The following MED15 variants were observed in gnomAD, a reference collection of about 807,000 sequenced individuals.
MED15 encodes mediator of RNA polymerase II transcription subunit 15.
In MED15, 41 loss-of-function variants were observed where a neutral mutation model predicts 118.7. The observed-to-expected ratio is 0.35, with a 90% CI of 0.27 to 0.45. The LOEUF (loss-of-function observed/expected upper bound fraction) is 0.45. MED15 is among the 20% of genes least tolerant of loss of function. MED15 has a pLI of 1.00. For synonymous variants in MED15, 436 were observed against 413.9 expected (o/e 1.05, Z -0.65); for missense variants, 740 against 1,025.5 (o/e 0.72, Z 3.80).
At chr22:20,579,063 A>G (rs1242390950) in intron 9 of MED15, among the ~76,000 whole-genome samples, 2 of 152,208 alleles carry the variant, frequency 1.3e-5, no homozygotes, top group African/African-American at 2.4e-5. Context: ...CCATGCCACA[A>G]TCCTCCCTTG....
chr22:20,536,852 C>T (rs147127012), intron 1 of MED15, among the ~76,000 whole-genome samples: 121 of 152,344 alleles, frequency 7.9e-4, no homozygotes, highest in African/African-American at 2.2e-3. Context: ...TCCCCCGCCC[C>T]GTCCCTTCAT....
At chr22:20,567,970 G>A (rs928854464) in intron 7 of MED15, among the ~76,000 whole-genome samples, 1 of 152,140 alleles carries the variant, frequency 6.6e-6, no homozygotes, top group African/African-American at 2.4e-5. Flanking sequence ...CTCCCAAGTA[G>A]CTGGGGCTGC....
At chr22:20,525,652 T>A (rs1047732612) in intron 1 of MED15, among the ~76,000 whole-genome samples, 3 of 148,444 alleles carry the variant, frequency 2.0e-5, no homozygotes, top group African/African-American at 7.5e-5. Flanking sequence ...TTCTCCTGCC[T>A]CAGCCTCCTG....
chr22:20,566,523 GCAA>G lies in MED15; in HGVS notation c.750_752del (p.Gln262del), dbSNP rs767272307. 1.6e-5 allele frequency: 26 copies of G among 1,598,340 alleles called. No individual in the cohort carries two copies. Among genetic ancestry groups the G allele is most frequent in the South Asian group, 2.2e-5 (2 of 90,466 alleles). On this transcript the variant is annotated inframe_deletion, in exon 7 of 18. Transcript: ENST00000263205. ...TAGCACAGCTGCAGCTCCAACAACA[GCAA>G]CAGCAGCAGCAGCAGCAGCAGCAGC...
At chr22:20,550,357 T>G in intron 2 of MED15, among the ~76,000 whole-genome samples, 1 of 152,206 alleles carries the variant, frequency 6.6e-6, no homozygotes, top group Non-Finnish European at 1.5e-5. Flanking sequence ...CCCTGGGCCT[T>G]TCTTCTTCAT....
At chr22:20,561,750 C>T (rs1001696186) in intron 5 of MED15, among the ~76,000 whole-genome samples, 18 of 152,250 alleles carry the variant, frequency 1.2e-4, no homozygotes, top group African/African-American at 4.3e-4. Flanking sequence ...TGCAGTGGCT[C>T]ACGTCTGTAA....
intron 2 of MED15, chr22:20,551,234 T>C (rs1019078356): frequency 1.1e-5 from 8 of 709,852 alleles, no homozygotes; most frequent in Admixed American, 2.0e-5. Context: ...CTTGTTTCTT[T>C]GTGCCTGTTA....
At chr22:20,535,907 T>G (rs1490184972) in intron 1 of MED15, among the ~76,000 whole-genome samples, 4 of 143,548 alleles carry the variant, frequency 2.8e-5, no homozygotes, top group Non-Finnish European at 6.0e-5. Context: ...AGATGGAGTT[T>G]CGCTCTGTCA....
Position 20,554,957 on chromosome 22 carries a change from G to A in MED15, c.260G>A (p.Ser87Asn), listed in dbSNP as rs1283137539. The change falls in exon 5 of 18, where the codon AGC becomes AAC. Residue 87 changes from serine to asparagine, a missense_variant. Coordinates refer to ENST00000263205, the MANE Select transcript of MED15 (RefSeq NM_001003891.3). ...SVSDPMNALQ[S>N]LTGGPAAGAA... is the part of the protein sequence containing the mutation. ...ACAGATCCTATGAATGCACTCCAGA[G>A]CCTGACTGGCGGACCTGCTGCGGGA... 4 of 1,608,326 alleles carry A rather than the reference G, an allele frequency of 2.5e-6. No individual in the cohort carries two copies. The African/African-American group carries it at 4.0e-5, about 16-fold the overall frequency.
intron 6 of MED15, among the ~76,000 whole-genome samples, chr22:20,565,090 G>A (rs177423): frequency 0.2 from 29,969 of 152,090 alleles, 2,998 homozygotes; most frequent in South Asian, 0.25. Flanking sequence ...GCGCCGCTGC[G>A]CTCCAGCCTG....
intron 1 of MED15, chr22:20,508,471 C>T: frequency 1.6e-6 from 2 of 1,239,530 alleles, no homozygotes; most frequent in Non-Finnish European, 1.1e-6. Flanking sequence ...TTTATTTCAC[C>T]TGGGTGCAGG....
chr22:20,508,022 G>A, intron 1 of MED15: 1 of 1,406,632 alleles, frequency 7.1e-7, no homozygotes, highest in Non-Finnish European at 9.2e-7. Flanking sequence ...TGTGTGCTTT[G>A]GGTGCAGACT....
chr22:20,569,340 C>T (rs2056559145), intron 8 of MED15, among the ~76,000 whole-genome samples: 1 of 152,182 alleles, frequency 6.6e-6, no homozygotes, highest in Non-Finnish European at 1.5e-5. Context: ...CCTCTTTTCA[C>T]ATGATGGTGG....
chr22:20,526,159 C>T (rs192619181), intron 1 of MED15, among the ~76,000 whole-genome samples: 128 of 152,186 alleles, frequency 8.4e-4, no homozygotes, highest in Admixed American at 2.4e-3. Flanking sequence ...AATTCCTGGG[C>T]TCAAGCATGA....
chr22:20,534,447 C>A (rs192113436), intron 1 of MED15, among the ~76,000 whole-genome samples: 1 of 152,038 alleles, frequency 6.6e-6, no homozygotes. Context: ...ATACTTGAGC[C>A]CAGGAGTTTG....
rs773788272 is a variant in MED15 at position 20,568,602 on chromosome 22, G to A, written c.1123G>A (p.Ala375Thr). The A allele has an allele frequency of 5.6e-6, 9 of 1,613,590 alleles. No homozygotes were observed. The African/African-American group carries it at 8.0e-5, about 14-fold the overall frequency. Residue 375 changes from alanine (A) to threonine (T), a missense_variant, in exon 8 of 18, where the codon GCT (alanine) becomes ACT (threonine). Physicochemically the swap from Ala to Thr is moderately conservative, Grantham distance 58 (BLOSUM62 0). Coordinates refer to ENST00000263205, the MANE Select transcript of MED15 (RefSeq NM_001003891.3). ...QQQTAVQTAQ[A>T]AQMVAPGVQM... ...GCAGACAGCAGTACAGACAGCTCAG[G>A]CTGCCCAGATGGTGGCTCCCGGAGT...
At position 20,583,251 on chromosome 22, in the gene MED15, G is replaced by A. The variant is rs775805584; in HGVS notation, c.1672+4G>A. On this transcript the variant is annotated splice_donor_region_variant and intron_variant, in intron 12 of 17. Coordinates refer to ENST00000263205, the MANE Select transcript of MED15 (RefSeq NM_001003891.3). The stretch of plus-strand genomic sequence containing the variant: ...AACAAGATCGACAAGAACGAAGGTA[G>A]GCTGCAGCCAGGGCAGGGGCCTGCA... 1 of 1,611,596 alleles carries A rather than the reference G, an allele frequency of 6.2e-7. No individual in the cohort carries two copies. Among genetic ancestry groups the A allele is most frequent in the Non-Finnish European group, 8.5e-7 (1 of 1,178,332 alleles).
Position 20,586,737 on chromosome 22 carries a change from G to A in MED15, c.*33G>A, listed in dbSNP as rs754201728. 8.7e-6 allele frequency: 14 copies of A among 1,608,896 alleles called. No homozygotes were observed. The highest frequency in any genetic ancestry group is 2.2e-5 in the East Asian group (1 of 44,854). On this transcript the variant is annotated 3_prime_UTR_variant, in exon 18 of 18. Coordinates refer to ENST00000263205, the MANE Select transcript of MED15 (RefSeq NM_001003891.3). ...TGCAGGGATGGCCCGCAGCCTCATCGGGGCCAAGGACACACGCCTCCTGTC... is the reference window on the plus strand; with the variant it reads ...TGCAGGGATGGCCCGCAGCCTCATCAGGGCCAAGGACACACGCCTCCTGTC...
At chr22:20,537,239 G>C (rs1046313472) in intron 2 of MED15, 35 bp downstream of exon 2, 3 of 1,577,296 alleles carry the variant, frequency 1.9e-6, no homozygotes, top group Non-Finnish European at 2.6e-6. Context: ...CTCTGGCAGA[G>C]AGACTTGGAG....
Sources: allele counts gnomAD v4.1 joint callset (sites outside exome capture counted in the v4.1 genomes callset), GRCh38; gene constraint gnomAD v4.1.1; transcripts MANE v1.5; gene names NCBI Gene and HGNC (gene_info 2026-07-23, HGNC 2026-07-21).